Variants in DDX10 observed in about 807,000 individuals in gnomAD.
DDX10 encodes DEAD-box helicase 10, also known as probable ATP-dependent RNA helicase DDX10.
In DDX10, 74 loss-of-function variants were observed where a neutral mutation model predicts 104.3. The ratio of observed to expected loss-of-function variants is 0.71; its 90% CI spans 0.59 to 0.86. The LOEUF (loss-of-function observed/expected upper bound fraction) is 0.86. Ranked by LOEUF, DDX10 falls within the 40% of genes least tolerant of loss-of-function variation. The probability of loss-of-function intolerance (pLI) is 0.00; values close to 1 mark genes in which losing one functional copy is unlikely to be tolerated. For missense variants in DDX10, 952 were observed against 1,040.0 expected, an observed-to-expected ratio of 0.92 and a Z score of 1.16; for synonymous variants, 351 against 353.4, an observed-to-expected ratio of 0.99 and a Z score of 0.08.
At chr11:108,776,360 C>G (rs1401916355) in intron 13 of DDX10, among the ~76,000 whole-genome samples, 1 of 152,114 alleles carries the variant, frequency 6.6e-6, no homozygotes, top group Non-Finnish European at 1.5e-5. Flanking sequence ...TCTGAGGTAC[C>G]CTTTCTGTGG....
chr11:108,886,543 G>C (rs1863298127), intron 16 of DDX10, among the ~76,000 whole-genome samples: 1 of 152,058 alleles, frequency 6.6e-6, no homozygotes, highest in East Asian at 1.9e-4. Context: ...TCTTCTAAAA[G>C]GCCTTTTGAA....
chr11:108,744,471 C>T (rs140724027), intron 13 of DDX10, among the ~76,000 whole-genome samples: 1 of 152,200 alleles, frequency 6.6e-6, no homozygotes, highest in African/African-American at 2.4e-5. Context: ...AGTGAAAAGT[C>T]CATAGTGTAC....
chr11:108,812,469 TCAAA>T (rs1308537663), intron 13 of DDX10, among the ~76,000 whole-genome samples: 7 of 152,184 alleles, frequency 4.6e-5, no homozygotes, highest in South Asian at 2.1e-4. Flanking sequence ...AGATTTCTGA[TCAAA>T]CAATTAGATA....
chr11:108,720,038 G>T (rs1012087477), intron 12 of DDX10, among the ~76,000 whole-genome samples, 153 bp downstream of exon 12: 2 of 152,200 alleles, frequency 1.3e-5, no homozygotes, highest in African/African-American at 4.8e-5. Flanking sequence ...GAAGTGTTAG[G>T]ACTACAGGCG....
intron 13 of DDX10, among the ~76,000 whole-genome samples, chr11:108,791,307 G>T (rs1016175554): frequency 1.3e-5 from 2 of 152,200 alleles, no homozygotes; most frequent in Non-Finnish European, 2.9e-5. Flanking sequence ...CAGTTTCCCT[G>T]CCCTCGCAGC....
At chr11:108,681,098 C>T (rs1320581415) in intron 6 of DDX10, among the ~76,000 whole-genome samples, 3 of 152,040 alleles carry the variant, frequency 2.0e-5, no homozygotes, top group Non-Finnish European at 4.4e-5. Flanking sequence ...TGTTTGCCTC[C>T]AGCCTATTTT....
intron 13 of DDX10, among the ~76,000 whole-genome samples, chr11:108,749,364 GAGTAGGGT>G (rs891149325): frequency 3.4e-4 from 52 of 152,208 alleles, no homozygotes; most frequent in African/African-American, 1.1e-3. Context: ...GTTTTTCAAG[GAGTAGGGT>G]AGTACTAACA....
intron 13 of DDX10, among the ~76,000 whole-genome samples, chr11:108,778,387 C>T (rs2094373044): frequency 6.6e-6 from 1 of 152,152 alleles, no homozygotes; most frequent in South Asian, 2.1e-4. Flanking sequence ...GGAAATAATA[C>T]CACACATCTA....
intron 13 of DDX10, among the ~76,000 whole-genome samples, chr11:108,737,625 G>A (rs2094319946): frequency 6.6e-6 from 1 of 152,138 alleles, no homozygotes; most frequent in African/African-American, 2.4e-5. Context: ...GCATTAATGT[G>A]CATGAGATAG....
chr11:108,860,818 T>C (rs1020674346), intron 16 of DDX10: 1 of 152,082 alleles, frequency 6.6e-6, no homozygotes, highest in South Asian at 2.1e-4. Flanking sequence ...AGTACTGGGA[T>C]TGCAGGCATC....
intron 16 of DDX10, among the ~76,000 whole-genome samples, chr11:108,897,922 T>G (rs1385154832): frequency 6.6e-6 from 1 of 152,160 alleles, no homozygotes; most frequent in Non-Finnish European, 1.5e-5. Flanking sequence ...AGCCTCTTCA[T>G]GGAAAGCCCA....
At chr11:108,719,928 T>C in intron 12 of DDX10, 43 bp downstream of exon 12, 2 of 1,153,702 alleles carry the variant, frequency 1.7e-6, no homozygotes, top group Non-Finnish European at 2.6e-6. Context: ...TCCTCAAGGT[T>C]AGAGGGAATT....
intron 16 of DDX10, among the ~76,000 whole-genome samples, chr11:108,913,745 A>C (rs1051525587): frequency 1.3e-5 from 2 of 152,102 alleles, no homozygotes; most frequent in Non-Finnish European, 2.9e-5. Flanking sequence ...AAGAATGTCC[A>C]TTTTCTTACC....
intron 13 of DDX10, among the ~76,000 whole-genome samples, chr11:108,750,932 T>G (rs2094337884): frequency 1.5e-5 from 1 of 68,068 alleles, no homozygotes. Context: ...GTTACTTTTT[T>G]TTTTTTTTTT....
At chr11:108,756,961 C>G (rs1471250579) in intron 13 of DDX10, among the ~76,000 whole-genome samples, 1 of 152,014 alleles carries the variant, frequency 6.6e-6, no homozygotes, top group Non-Finnish European at 1.5e-5. Flanking sequence ...CTCAGACATC[C>G]TGACACACAA....
At chr11:108,814,638 A>G (rs555191227) in intron 13 of DDX10, among the ~76,000 whole-genome samples, 3 of 152,200 alleles carry the variant, frequency 2.0e-5, no homozygotes, top group Non-Finnish European at 4.4e-5. Flanking sequence ...TAAAATCTTG[A>G]ATCTTAGAGT....
intron 16 of DDX10, among the ~76,000 whole-genome samples, chr11:108,904,205 G>A (rs1863559790): frequency 6.6e-6 from 1 of 152,126 alleles, no homozygotes; most frequent in African/African-American, 2.4e-5. Flanking sequence ...GAGCAGGGTG[G>A]TTTCAACAGA....
At chr11:108,741,982 G>C (rs1004869859) in intron 13 of DDX10, among the ~76,000 whole-genome samples, 18 of 152,206 alleles carry the variant, frequency 1.2e-4, no homozygotes, top group African/African-American at 4.1e-4. Flanking sequence ...ATGCAGGCTG[G>C]TTGCAGTGTC....
intron 13 of DDX10, among the ~76,000 whole-genome samples, chr11:108,747,220 T>G (rs2094332896): frequency 6.6e-6 from 1 of 152,138 alleles, no homozygotes; most frequent in African/African-American, 2.4e-5. Flanking sequence ...ATTTTTTGTT[T>G]AGTGTGGTTA....
Sources: allele counts gnomAD v4.1 joint callset (sites outside exome capture counted in the v4.1 genomes callset), GRCh38; gene constraint gnomAD v4.1.1; transcripts MANE v1.5; gene names NCBI Gene and HGNC (gene_info 2026-07-23, HGNC 2026-07-21).